Variants in THSD4 observed in about 807,000 individuals in gnomAD.
THSD4 encodes the protein thrombospondin type-1 domain-containing protein 4.
Under a neutral mutation model 119.0 loss-of-function variants are expected in THSD4, and 69 were observed. The ratio of observed to expected loss-of-function variants is 0.58; its 90% CI spans 0.48 to 0.71. The LOEUF is 0.71. THSD4 is among the 30% of genes least tolerant of loss of function. The pLI is 0.00. For missense variants in THSD4, 1,393 were observed against 1,391.1 expected (o/e 1.00, Z -0.02); for synonymous variants, 524 against 540.4 (o/e 0.97, Z 0.42).
intron 1 of THSD4, among the ~76,000 whole-genome samples, chr15:71,105,712 A>G (rs543698286): frequency 3.3e-5 from 5 of 152,330 alleles, no homozygotes; most frequent in African/African-American, 1.2e-4. Context: ...CTTTTCCTCT[A>G]CATTTCATCC....
chr15:71,323,138 C>T lies in THSD4; in HGVS notation c.1015+66423C>T, dbSNP rs978897018. 4.0e-5 allele frequency among the ~76,000 whole-genome samples: 6 copies of T among 149,696 alleles called. No individual in the cohort carries two copies. The East Asian group carries it at 1.2e-3, about 30-fold the overall frequency. ...AAAAAAAGATCGTAGTCTTCTAATC[C>T]TTAACCTCATCTTGAAAGTTATGAA... On this transcript the variant is annotated intron_variant, in intron 6 of 17. Coordinates refer to ENST00000261862, the MANE Select transcript of THSD4 (RefSeq NM_024817.3).
chr15:71,296,337 C>G (rs1395134607), intron 6 of THSD4, among the ~76,000 whole-genome samples: 1 of 152,170 alleles, frequency 6.6e-6, no homozygotes, highest in African/African-American at 2.4e-5. Flanking sequence ...CCCTACCCAC[C>G]TGAGGTCTGG....
At chr15:71,403,510 G>A (rs902759795) in intron 6 of THSD4, among the ~76,000 whole-genome samples, 1 of 151,962 alleles carries the variant, frequency 6.6e-6, no homozygotes, top group African/African-American at 2.4e-5. Context: ...CCTTCATGAG[G>A]GTTTATTTTT....
intron 7 of THSD4, among the ~76,000 whole-genome samples, chr15:71,620,228 G>A (rs945046488): frequency 1.3e-5 from 2 of 152,120 alleles, no homozygotes; most frequent in Admixed American, 6.6e-5. Flanking sequence ...AAATTGAGTT[G>A]TTAAGAATGA....
intron 1 of THSD4, among the ~76,000 whole-genome samples, chr15:71,097,324 G>A (rs1043674742): frequency 2.0e-5 from 3 of 152,102 alleles, no homozygotes; most frequent in African/African-American, 4.8e-5. Flanking sequence ...CAGCACTTTG[G>A]GAGGCTGAGA....
At chr15:71,548,777 T>C (rs2048880770) in intron 7 of THSD4, among the ~76,000 whole-genome samples, 1 of 152,108 alleles carries the variant, frequency 6.6e-6, no homozygotes, top group Non-Finnish European at 1.5e-5. Context: ...GTAGAGTGAA[T>C]GACAAATGGG....
intron 9 of THSD4, chr15:71,729,087 T>A (rs2052923302): frequency 7.8e-6 from 2 of 255,014 alleles, no homozygotes; most frequent in Non-Finnish European, 1.5e-5. Context: ...TTTCTTTTTA[T>A]GGCAAAAGAA....
At chr15:71,708,485 C>G (rs1402967590) in intron 8 of THSD4, among the ~76,000 whole-genome samples, 3 of 152,082 alleles carry the variant, frequency 2.0e-5, no homozygotes, top group Non-Finnish European at 2.9e-5. Context: ...TGAGAAAATA[C>G]CAAACGTGCA....
At chr15:71,434,581 T>C (rs989352857) in intron 7 of THSD4, among the ~76,000 whole-genome samples, 24 of 151,642 alleles carry the variant, frequency 1.6e-4, no homozygotes, top group African/African-American at 5.3e-4. Context: ...GTAGAGGAGA[T>C]AGTTTAGCGT....
chr15:71,115,244 C>G (rs1357994644), upstream of THSD4: 1 of 152,864 alleles, frequency 6.5e-6, no homozygotes, highest in Non-Finnish European at 1.5e-5. This position sits in a 1 kb window ranked among gnomAD's most constrained non-coding sequence, Gnocchi z 4.4. Context: ...CCCCTCCCGC[C>G]CTCGTGGCCT....
At chr15:71,610,499 A>G (rs1290686302) in intron 7 of THSD4, among the ~76,000 whole-genome samples, 2 of 152,154 alleles carry the variant, frequency 1.3e-5, no homozygotes, top group African/African-American at 2.4e-5. Flanking sequence ...GGAACTTAAC[A>G]AAGGGGACTG....
chr15:71,576,529 A>C (rs2049451128), intron 7 of THSD4, among the ~76,000 whole-genome samples: 1 of 152,176 alleles, frequency 6.6e-6, no homozygotes, highest in African/African-American at 2.4e-5. Context: ...TGAAAGATGA[A>C]ACAGCCAATT....
rs1271779695 is a variant in THSD4, at chr15:71,440,678, T to C, written c.1152+28855T>C. Among the ~76,000 whole-genome samples, 6 of 152,164 alleles carry C rather than the reference T, an allele frequency of 3.9e-5. No homozygotes were observed. The East Asian group carries it at 1.2e-3, about 29-fold the overall frequency. Reference sequence around the variant, plus strand: ...TGAACTGGTTGATCGTGACATCTAGTGTTCAGTACTAAAATTACATATCTT... The same window carrying C: ...TGAACTGGTTGATCGTGACATCTAGCGTTCAGTACTAAAATTACATATCTT... On this transcript the variant is annotated intron_variant, in intron 7 of 17. Transcript: ENST00000261862.
chr15:71,210,288 G>A (rs2043878586), intron 3 of THSD4, among the ~76,000 whole-genome samples: 1 of 152,172 alleles, frequency 6.6e-6, no homozygotes, highest in African/African-American at 2.4e-5. Flanking sequence ...CTTTAGGTGG[G>A]TGTTTTGAGG....
intron 7 of THSD4, among the ~76,000 whole-genome samples, chr15:71,483,007 G>C (rs1339138176): frequency 6.6e-6 from 1 of 152,154 alleles, no homozygotes; most frequent in Non-Finnish European, 1.5e-5. Flanking sequence ...AGCTATGAAG[G>C]AGACTAGGAA....
At chr15:71,362,937 A>G (rs980822657) in intron 6 of THSD4, among the ~76,000 whole-genome samples, 6 of 151,688 alleles carry the variant, frequency 4.0e-5, no homozygotes, top group Admixed American at 2.0e-4. Flanking sequence ...GTGAATTAGT[A>G]AAATTCACTA....
intron 7 of THSD4, among the ~76,000 whole-genome samples, chr15:71,644,647 T>G (rs2050932724): frequency 6.6e-6 from 1 of 152,208 alleles, no homozygotes; most frequent in African/African-American, 2.4e-5. Context: ...TTGCTGACTT[T>G]GAGTCACAGC....
intron 6 of THSD4, among the ~76,000 whole-genome samples, chr15:71,347,874 C>T (rs1054686541): frequency 2.0e-5 from 3 of 152,112 alleles, no homozygotes; most frequent in South Asian, 2.1e-4. Context: ...GATGATCAGC[C>T]GGACCACCCA....
intron 7 of THSD4, among the ~76,000 whole-genome samples, chr15:71,429,614 G>A (rs2046916185): frequency 6.6e-6 from 1 of 152,194 alleles, no homozygotes. Context: ...GGGTTGAGAA[G>A]CAGGAGCAGG....
Sources: allele counts gnomAD v4.1 joint callset (sites outside exome capture counted in the v4.1 genomes callset), GRCh38; gene constraint gnomAD v4.1.1; non-coding constraint Gnocchi (gnomAD v3.1); transcripts MANE v1.5; gene names NCBI Gene and HGNC (gene_info 2026-07-23, HGNC 2026-07-21).